Variants in TMT1A observed in about 807,000 individuals in gnomAD.
TMT1A encodes thiol methyltransferase 1A.
At chr12:50,925,665 T>A in the TMT1A span, 10 of 1,155,372 alleles carry the variant, frequency 8.7e-6, no homozygotes, top group Non-Finnish European at 1.2e-5. Flanking sequence ...GTAGAATTTT[T>A]TAAAATTTTA....
chr12:50,930,394 C>T, the TMT1A span: 1 of 309,724 alleles, frequency 3.2e-6, no homozygotes, highest in Admixed American at 4.7e-5. Flanking sequence ...ATTCTTCTGC[C>T]TCAGCCTCCC....
the TMT1A span, chr12:50,929,932 A>G: frequency 6.2e-7 from 1 of 1,612,146 alleles, no homozygotes; most frequent in Non-Finnish European, 8.5e-7. Context: ...TTTCTATTTC[A>G]TGGAGCATGT....
chr12:50,930,115 G>A, the TMT1A span: 3 of 1,613,316 alleles, frequency 1.9e-6, no homozygotes, highest in East Asian at 2.2e-5. Context: ...CTGGGAGTTG[G>A]TGCGCCCTCA....
chr12:50,925,247 G>T, the TMT1A span: 2 of 1,614,192 alleles, frequency 1.2e-6, no homozygotes, highest in South Asian at 2.2e-5. Flanking sequence ...GGCCCCTCCG[G>T]GAAACTCTCC....
the TMT1A span, chr12:50,929,833 GA>G: frequency 2.2e-6 from 3 of 1,353,434 alleles, no homozygotes; most frequent in African/African-American, 2.9e-5. Flanking sequence ...GGCAGTGCCA[GA>G]GAACAATTTT....
the TMT1A span, chr12:50,925,281 G>A: frequency 6.8e-6 from 11 of 1,614,192 alleles, no homozygotes; most frequent in South Asian, 2.2e-5. Context: ...GCTGTGGCAC[G>A]GGGGCCAACT....
chr12:50,931,423 CA>C, the TMT1A span: 2 of 151,470 alleles, frequency 1.3e-5, no homozygotes, highest in African/African-American at 2.4e-5. Context: ...AAAAAAGAGA[CA>C]GGGGGCTGGG....
At chr12:50,929,986 C>A in the TMT1A span, 1 of 1,614,062 alleles carries the variant, frequency 6.2e-7, no homozygotes, top group Non-Finnish European at 8.5e-7. Context: ...GCAACAAGTC[C>A]TGGATCCTGC....
At chr12:50,931,333 G>GAATT in the TMT1A span, 1 of 151,930 alleles carries the variant, frequency 6.6e-6, no homozygotes, top group Admixed American at 6.6e-5. Flanking sequence ...TTTATTGATT[G>GAATT]AATTAAGAAA....
chr12:50,929,778 T>C, the TMT1A span: 9 of 720,332 alleles, frequency 1.2e-5, no homozygotes, highest in Non-Finnish European at 2.1e-5. Context: ...TAGTGTGGAG[T>C]GACCCTCCTG....
chr12:50,928,058 C>G, the TMT1A span, among the ~76,000 whole-genome samples: 15 of 152,200 alleles, frequency 9.9e-5, no homozygotes, highest in Non-Finnish European at 1.9e-4. Context: ...CTTCTGGCCT[C>G]AAGTGATCCA....
At chr12:50,929,574 C>A in the TMT1A span, among the ~76,000 whole-genome samples, 1 of 152,244 alleles carries the variant, frequency 6.6e-6, no homozygotes, top group Non-Finnish European at 1.5e-5. Context: ...ATGAAAGCAG[C>A]AGTTGCTAAT....
chr12:50,925,359 G>C, the TMT1A span: 1 of 1,614,200 alleles, frequency 6.2e-7, no homozygotes, highest in Non-Finnish European at 8.5e-7. Flanking sequence ...AGAAGTTTTT[G>C]ATCAAGAGCA....
the TMT1A span, chr12:50,930,112 T>C: frequency 8.1e-6 from 13 of 1,613,314 alleles, no homozygotes; most frequent in Admixed American, 3.3e-5. Flanking sequence ...GTCCTGGGAG[T>C]TGGTGCGCCC....
the TMT1A span, chr12:50,930,272 T>G: frequency 2.6e-6 from 2 of 754,936 alleles, no homozygotes; most frequent in Non-Finnish European, 4.0e-6. Context: ...GGTTTGTTGT[T>G]GGTTTTTTTT....
the TMT1A span, chr12:50,925,382 G>A: frequency 1.9e-5 from 30 of 1,614,072 alleles, no homozygotes; most frequent in South Asian, 6.6e-5. Context: ...GCAGAGAACC[G>A]ACACCTGCAG....
the TMT1A span, chr12:50,930,342 T>A: frequency 2.0e-6 from 1 of 511,126 alleles, no homozygotes; most frequent in Non-Finnish European, 3.4e-6. Context: ...TGCAATGACG[T>A]GATCTCCGCT....
At chr12:50,930,333 G>A in the TMT1A span, 1 of 537,532 alleles carries the variant, frequency 1.9e-6, no homozygotes, top group Non-Finnish European at 3.2e-6. Flanking sequence ...AGGCTGGAGT[G>A]CAATGACGTG....
the TMT1A span, chr12:50,931,329 GATTGA>G: frequency 6.6e-6 from 1 of 151,982 alleles, no homozygotes; most frequent in Admixed American, 6.6e-5. Flanking sequence ...ATAATTTATT[GATTGA>G]ATTAAGAAAT....
Sources: allele counts gnomAD v4.1 joint callset (sites outside exome capture counted in the v4.1 genomes callset), GRCh38; gene constraint gnomAD v4.1.1; transcripts MANE v1.5; gene names NCBI Gene and HGNC (gene_info 2026-07-23, HGNC 2026-07-21).